SAG: variants seen among roughly 807,000 people sequenced by gnomAD.
SAG encodes the protein S-antigen visual arrestin.
In SAG, 45 loss-of-function variants were observed where a neutral mutation model predicts 55.0. The ratio of observed to expected loss-of-function variants is 0.82; its 90% confidence interval spans 0.64 to 1.05. The LOEUF is 1.05. Among genes scored for constraint, SAG ranks in the 50% least tolerant of loss-of-function variants. The probability of loss-of-function intolerance (pLI) is 0.00; values close to 1 mark genes in which losing one functional copy is unlikely to be tolerated. For missense variants in SAG, 455 were observed against 512.1 expected (o/e 0.89, Z 1.08); for synonymous variants, 189 against 197.4 (o/e 0.96, Z 0.36).
chr2:233,318,665 AT>A (rs1700284231), intron 3 of SAG, 85 bp from the exon 4 acceptor site: 8 of 1,153,568 alleles, frequency 6.9e-6, no homozygotes. Flanking sequence ...TACATGTGTA[AT>A]TAAAAACATG....
At chr2:233,337,132 A>T (rs998561189) in intron 11 of SAG, among the ~76,000 whole-genome samples, 8 of 151,312 alleles carry the variant, frequency 5.3e-5, no homozygotes, top group Admixed American at 4.0e-4. Flanking sequence ...AAAGAGGGGG[A>T]TCTCAAGCTT....
chr2:233,310,019 G>T (rs1026848317), intron 2 of SAG, among the ~76,000 whole-genome samples: 8 of 152,232 alleles, frequency 5.3e-5, no homozygotes, highest in Admixed American at 5.2e-4. Context: ...CACCCGGGGG[G>T]TCTCAAGCCT....
chr2:233,341,056 A>G (rs1235778273), intron 13 of SAG, among the ~76,000 whole-genome samples: 1 of 152,066 alleles, frequency 6.6e-6, no homozygotes, highest in Non-Finnish European at 1.5e-5. Flanking sequence ...TCCAGTGATG[A>G]TCCTGCCTTG....
intron 8 of SAG, 141 bp from the exon 9 acceptor site, chr2:233,329,352 T>G: frequency 3.1e-6 from 2 of 648,682 alleles, no homozygotes; most frequent in Non-Finnish European, 5.5e-6. Context: ...TTAGAAGAAA[T>G]GTATTGCTAT....
At chr2:233,341,852 C>T (rs1452909637) in intron 13 of SAG, among the ~76,000 whole-genome samples, 2 of 152,214 alleles carry the variant, frequency 1.3e-5, no homozygotes, top group Non-Finnish European at 2.9e-5. Flanking sequence ...GGCAGGGTGG[C>T]TCATGCCTAT....
intron 11 of SAG, among the ~76,000 whole-genome samples, chr2:233,335,397 G>T (rs774076586): frequency 3.9e-5 from 6 of 152,228 alleles, no homozygotes; most frequent in Admixed American, 1.3e-4. Context: ...TTTGTAAAGT[G>T]GGGGCGGTAA....
intron 10 of SAG, chr2:233,331,915 A>G (rs1700779359): frequency 1.7e-6 from 1 of 584,952 alleles, no homozygotes; most frequent in Non-Finnish European, 3.1e-6. Context: ...CCCATCTTAC[A>G]GGAGTTCTGA....
chr2:233,313,285 A>G (rs1574926832), intron 2 of SAG, among the ~76,000 whole-genome samples: 2 of 152,222 alleles, frequency 1.3e-5, no homozygotes, highest in African/African-American at 4.8e-5. Context: ...CAATAGGAAC[A>G]GAGGCACAAA....
At chr2:233,326,586 C>CAAA (rs35383170) in intron 6 of SAG, among the ~76,000 whole-genome samples, 1 of 123,656 alleles carries the variant, frequency 8.1e-6, no homozygotes. Context: ...ACTCCATCTC[C>CAAA]AAAAAAAAAA....
chr2:233,309,872 A>G (rs564711144), intron 2 of SAG, among the ~76,000 whole-genome samples: 73 of 152,106 alleles, frequency 4.8e-4, no homozygotes, highest in African/African-American at 1.7e-3. Flanking sequence ...CCAGCCTTGA[A>G]CCCTTGACTT....
chr2:233,321,275 A>T (rs1700372255), intron 5 of SAG, among the ~76,000 whole-genome samples: 1 of 152,174 alleles, frequency 6.6e-6, no homozygotes, highest in Non-Finnish European at 1.5e-5. Flanking sequence ...CCCGTCTGTC[A>T]TCCATTGAGA....
chr2:233,336,294 CA>C (rs1700924792), intron 11 of SAG, among the ~76,000 whole-genome samples: 1 of 152,092 alleles, frequency 6.6e-6, no homozygotes, highest in Non-Finnish European at 1.5e-5. Context: ...GCGGGTGGAT[CA>C]CCTAAGGTCA....
chr2:233,327,074 G>T, intron 6 of SAG, 47 bp from the exon 7 acceptor site: 2 of 1,496,688 alleles, frequency 1.3e-6, no homozygotes, highest in Non-Finnish European at 1.9e-6. Context: ...CCGGCACCCA[G>T]GGAGGGAGTC....
chr2:233,325,198 C>A, intron 6 of SAG, among the ~76,000 whole-genome samples: 2 of 125,894 alleles, frequency 1.6e-5, no homozygotes. Context: ...AGCAAGGCTC[C>A]ATCTCAAAAA....
At chr2:233,331,544 A>T in intron 9 of SAG, 96 bp from the exon 10 acceptor site, 1 of 784,312 alleles carries the variant, frequency 1.3e-6, no homozygotes, top group Admixed American at 2.0e-5. Flanking sequence ...CCATCATCAG[A>T]GAGGAGAGAC....
At chr2:233,309,305 T>C (rs770596920) in intron 2 of SAG, 41 bp downstream of exon 2, 8 of 1,557,508 alleles carry the variant, frequency 5.1e-6, no homozygotes, top group Non-Finnish European at 4.4e-6. Flanking sequence ...GAAATTATTG[T>C]TTAAAAAAAA....
chr2:233,309,464 A>G (rs1700019234), intron 2 of SAG, among the ~76,000 whole-genome samples, 200 bp downstream of exon 2: 1 of 152,206 alleles, frequency 6.6e-6, no homozygotes, highest in Middle Eastern at 3.4e-3. Flanking sequence ...CCTGGCCAAC[A>G]TGGCAAAACC....
chr2:233,323,019 G>T lies in SAG; in HGVS notation c.435+14G>T. ...GATTCAGGGAAGGTTAGTTCAAGAAGAAATGCCATGGTTTTATGGATTTGT... is the reference window on the plus strand; with the variant it reads ...GATTCAGGGAAGGTTAGTTCAAGAATAAATGCCATGGTTTTATGGATTTGT... On this transcript the variant is annotated intron_variant, in intron 6 of 15. Transcript: ENST00000409110. 1 of 1,508,356 alleles carries T rather than the reference G, an allele frequency of 6.6e-7. No individual in the cohort carries two copies. Among genetic ancestry groups the T allele is most frequent in the South Asian group, 1.2e-5 (1 of 83,176 alleles). 93.4% of individuals were successfully genotyped at this position (1,508,356 alleles called of 1,614,324 possible).
Position 233,310,889 on chromosome 2 carries a change from C to T in SAG, c.75+1625C>T, listed in dbSNP as rs561106863. ...GTGCCACCCAGGAGATCCGGCTTTG[C>T]CTGTGTGCTTTCTGCCTTCTCCTCT... On this transcript the variant is annotated intron_variant, in intron 2 of 15. Transcript: ENST00000409110. Among the ~76,000 whole-genome samples, 3 of 152,210 alleles carry T rather than the reference C, an allele frequency of 2.0e-5. No individual in the cohort carries two copies. In the South Asian group the frequency reaches 6.2e-4, roughly 32 times the overall value.
Sources: allele counts gnomAD v4.1 joint callset (sites outside exome capture counted in the v4.1 genomes callset), GRCh38; gene constraint gnomAD v4.1.1; transcripts MANE v1.5; gene names NCBI Gene and HGNC (gene_info 2026-07-23, HGNC 2026-07-21).